PHLPP1: variants seen among roughly 807,000 people sequenced by gnomAD.
The protein encoded by PHLPP1 is PH domain and leucine rich repeat protein phosphatase 1.
Under a neutral mutation model 117.2 loss-of-function variants are expected in PHLPP1, and 42 were observed. The ratio of observed to expected loss-of-function variants is 0.36; its 90% confidence interval spans 0.28 to 0.46. The LOEUF is 0.46. PHLPP1 is among the 20% of genes least tolerant of loss of function. PHLPP1 has a pLI of 1.00. For missense variants in PHLPP1, 2,084 were observed against 2,241.9 expected (o/e 0.93, Z 1.42); for synonymous variants, 1,042 against 970.7 (o/e 1.07, Z -1.37).
intron 1 of PHLPP1, among the ~76,000 whole-genome samples, chr18:62,721,300 G>T (rs1277071342): frequency 6.6e-6 from 1 of 152,056 alleles, no homozygotes; most frequent in Non-Finnish European, 1.5e-5. Flanking sequence ...AAGTTGATAT[G>T]AATTAAAGTT....
chr18:62,868,790 A>C (rs1179795336), intron 4 of PHLPP1, among the ~76,000 whole-genome samples: 1 of 152,224 alleles, frequency 6.6e-6, no homozygotes, highest in Admixed American at 6.5e-5. Context: ...CTGATAAGAC[A>C]GTATTACTGA....
At chr18:62,812,472 C>T (rs559390355) in intron 1 of PHLPP1, among the ~76,000 whole-genome samples, 93 of 152,200 alleles carry the variant, frequency 6.1e-4, no homozygotes, top group Non-Finnish European at 9.4e-4. Flanking sequence ...TATGTTTGTT[C>T]CTTTAGAGGA....
At chr18:62,780,290 G>C (rs567419228) in intron 1 of PHLPP1, among the ~76,000 whole-genome samples, 1 of 152,146 alleles carries the variant, frequency 6.6e-6, no homozygotes, top group Non-Finnish European at 1.5e-5. Flanking sequence ...AAGAAATACT[G>C]TACATGATTT....
intron 10 of PHLPP1, among the ~76,000 whole-genome samples, chr18:62,923,707 T>C (rs1291622637): frequency 6.6e-6 from 1 of 152,216 alleles, no homozygotes. Context: ...TACTTTTTTT[T>C]ATTGAGGCAT....
chr18:62,932,597 G>A (rs368794158), intron 10 of PHLPP1, among the ~76,000 whole-genome samples: 28 of 152,044 alleles, frequency 1.8e-4, no homozygotes, highest in African/African-American at 5.6e-4. Flanking sequence ...CAACAAACTA[G>A]GCATCAACGG....
At chr18:62,943,813 T>G (rs1910199220) in intron 11 of PHLPP1, among the ~76,000 whole-genome samples, 1 of 152,148 alleles carries the variant, frequency 6.6e-6, no homozygotes, top group Non-Finnish European at 1.5e-5. Flanking sequence ...ATCACTATAT[T>G]TTTTTCAAAA....
Position 62,716,563 on chromosome 18 carries a change from C to T in PHLPP1, c.880C>T (p.Pro294Ser), listed in dbSNP as rs1189590321. Reference sequence around the variant, plus strand: ...GAGCGCGCCGGGTGCCTTCGGGGGGCCTCCGCGCGCGCCCCCCGCCGACCT... The same window carrying T: ...GAGCGCGCCGGGTGCCTTCGGGGGGTCTCCGCGCGCGCCCCCCGCCGACCT... Reference protein sequence around the residue: ...ARSAPGAFGGPPRAPPADLPL... With the variant: ...ARSAPGAFGGSPRAPPADLPL... Residue 294 changes from proline to serine, a missense_variant, in exon 1 of 17, where the codon CCT becomes TCT. Pro to Ser is a moderately conservative substitution (Grantham distance 74). Transcript: ENST00000262719. This position sits in a 1 kb window ranked among gnomAD's most constrained non-coding sequence, Gnocchi z 5.7. 1.7e-6 allele frequency: 2 copies of T among 1,194,852 alleles called. No homozygotes were observed. The highest frequency in any genetic ancestry group is 4.1e-5 in the South Asian group (1 of 24,140). The allele number at this position is 1,194,852 out of a possible 1,614,324, so 74.0% of individuals were successfully genotyped here. A position where few individuals can be genotyped will look rare whatever the true frequency, so the allele number is the denominator to read the frequency against.
intron 1 of PHLPP1, among the ~76,000 whole-genome samples, chr18:62,812,845 T>A (rs746868333): frequency 5.9e-5 from 9 of 152,164 alleles, no homozygotes; most frequent in Non-Finnish European, 1.2e-4. Flanking sequence ...AACTTCAGAA[T>A]GTTGAATGTG....
chr18:62,724,794 A>G (rs1018685096), intron 1 of PHLPP1, among the ~76,000 whole-genome samples: 2 of 152,244 alleles, frequency 1.3e-5, no homozygotes, highest in Admixed American at 6.5e-5. Flanking sequence ...ATTGTAAGAA[A>G]GGAACTTCTG....
intron 4 of PHLPP1, among the ~76,000 whole-genome samples, chr18:62,891,047 G>C (rs150498906): frequency 6.6e-6 from 1 of 152,154 alleles, no homozygotes; most frequent in Non-Finnish European, 1.5e-5. Context: ...GGAAGCACCA[G>C]TTAAATTTGA....
rs1020487909 is a variant in PHLPP1 at position 62,716,706 on chromosome 18, G to A, written c.1023G>A (p.Arg341=). 30 of 1,492,676 alleles carry A rather than the reference G, an allele frequency of 2.0e-5. No individual in the cohort carries two copies. Among genetic ancestry groups the A allele is most frequent in the Non-Finnish European group, 2.4e-5 (27 of 1,125,078 alleles). 92.5% of individuals were successfully genotyped at this position (1,492,676 alleles called of 1,614,324 possible). A position where few individuals can be genotyped will look rare whatever the true frequency, so the allele number is the denominator to read the frequency against. ...CTGTCTCTTCGCCCCGCGCCCCACGGCCTGTGGTCTCCGACACCGAGAGCT... is the reference window on the plus strand; with the variant it reads ...CTGTCTCTTCGCCCCGCGCCCCACGACCTGTGGTCTCCGACACCGAGAGCT... ...GGPVSSPRAP[R]PVVSDTESFS... is the part of the protein sequence containing the mutation. Residue 341 remains arginine (R), a synonymous_variant, in exon 1 of 17, where the codon CGG becomes CGA. Coordinates refer to ENST00000262719, the MANE Select transcript of PHLPP1 (RefSeq NM_194449.4). This position sits in a 1 kb window ranked among gnomAD's most constrained non-coding sequence, Gnocchi z 5.7.
In PHLPP1 at chr18:62,822,274, T is replaced by G. The variant is rs529481916; in HGVS notation, c.1577-7761T>G. On this transcript the variant is annotated intron_variant, in intron 1 of 16. Coordinates refer to ENST00000262719, the MANE Select transcript of PHLPP1 (RefSeq NM_194449.4). ...ATCTGTAGAAAATAGTGTTTTTTTT[T>G]TTTTTGTTTTTGTTTTTTTTTTTTT... Among the ~76,000 whole-genome samples the G allele has an allele frequency of 8.6e-4, 122 of 142,598 alleles. 1 individual carries two copies. The highest frequency in any genetic ancestry group is 3.7e-3 in the Middle Eastern group (1 of 270). 93.5% of individuals were successfully genotyped at this position (142,598 alleles called of 152,430 possible).
In PHLPP1 at chr18:62,860,486, C is replaced by T. The variant is rs767089588; in HGVS notation, c.1951C>T (p.His651Tyr). Residue 651 changes from histidine to tyrosine, a missense_variant, in exon 4 of 17, where the codon CAT becomes TAT. His to Tyr is a moderately conservative substitution (Grantham distance 83, BLOSUM62 2). Transcript: ENST00000262719. Reference sequence around the variant, plus strand: ...GGACCTCTCGTGTTGTAGCCTGGAACATCTGCCTGCCAACCTCTTCTACAG... The same window carrying T: ...GGACCTCTCGTGTTGTAGCCTGGAATATCTGCCTGCCAACCTCTTCTACAG... ...SVDLSCCSLE[H>Y]LPANLFYSQD... The T allele has an allele frequency of 9.9e-6, 16 of 1,613,788 alleles. No individual in the cohort carries two copies. The East Asian group carries it at 3.3e-4, about 34-fold the overall frequency.
At chr18:62,790,920 G>A (rs1357536430) in intron 1 of PHLPP1, among the ~76,000 whole-genome samples, 1 of 152,138 alleles carries the variant, frequency 6.6e-6, no homozygotes, top group Non-Finnish European at 1.5e-5. Flanking sequence ...CCCAGGTTTT[G>A]CAGCTCATGA....
intron 4 of PHLPP1, among the ~76,000 whole-genome samples, chr18:62,887,370 A>G (rs1049661031): frequency 2.0e-5 from 3 of 152,244 alleles, no homozygotes; most frequent in African/African-American, 7.2e-5. Context: ...GAGAAAAAAG[A>G]AAGATATATC....
chr18:62,824,131 C>CA (rs34639796), intron 1 of PHLPP1: 21,842 of 343,186 alleles, frequency 0.064, 3 homozygotes, highest in South Asian at 0.074. Context: ...AACTCCGTCT[C>CA]AAAAAAAAAA....
At chr18:62,766,947 C>G (rs1912560606) in intron 1 of PHLPP1, among the ~76,000 whole-genome samples, 1 of 151,902 alleles carries the variant, frequency 6.6e-6, no homozygotes, top group Non-Finnish European at 1.5e-5. Flanking sequence ...TATAAATGTT[C>G]TTGGGGGTGG....
chr18:62,792,697 C>T (rs1382850202), intron 1 of PHLPP1, among the ~76,000 whole-genome samples: 1 of 151,382 alleles, frequency 6.6e-6, no homozygotes, highest in African/African-American at 2.4e-5. Flanking sequence ...ATAGGGAGAC[C>T]CCATCTTTAC....
intron 1 of PHLPP1, among the ~76,000 whole-genome samples, chr18:62,783,404 A>G (rs1346152854): frequency 6.6e-6 from 1 of 151,394 alleles, no homozygotes; most frequent in Non-Finnish European, 1.5e-5. Flanking sequence ...ACTTTTTTGT[A>G]TTTTCAGTAG....
Sources: gnomAD v4.1 joint callset for allele counts (sites outside exome capture counted in the v4.1 genomes callset) on GRCh38, gnomAD v4.1.1 for gene constraint, Gnocchi (gnomAD v3.1) non-coding constraint, MANE v1.5 for transcripts, NCBI Gene and HGNC (gene_info 2026-07-23, HGNC 2026-07-21) for gene names.